The following CNTNAP2 variants were observed in gnomAD, a reference collection of about 807,000 sequenced individuals.
The protein encoded by CNTNAP2 is contactin-associated protein-like 2.
CNTNAP2 carries 98 observed loss-of-function variants against 155.2 expected under a neutral mutation model. The observed-to-expected ratio is 0.63, with a 90% CI of 0.54 to 0.75. CNTNAP2 has a LOEUF of 0.75. Ranked by LOEUF, CNTNAP2 falls within the 30% of genes least tolerant of loss-of-function variation. The probability of loss-of-function intolerance (pLI) is 0.00; values close to 1 mark genes in which losing one functional copy is unlikely to be tolerated. For synonymous variants in CNTNAP2, 651 were observed against 631.2 expected (o/e 1.03, Z -0.47); for missense variants, 1,727 against 1,688.1 (o/e 1.02, Z -0.40).
At chr7:146,773,737 T>G (rs1198319241) in intron 1 of CNTNAP2, among the ~76,000 whole-genome samples, 3 of 152,216 alleles carry the variant, frequency 2.0e-5, no homozygotes, top group Non-Finnish European at 4.4e-5. Context: ...GAGATCTGCC[T>G]TGATAAGTGT....
rs1402650519 is a variant in CNTNAP2, at chr7:147,300,183, T to A, written c.1391T>A (p.Leu464Gln). The A allele has an allele frequency of 3.1e-6, 5 of 1,614,054 alleles. No homozygotes were observed. The highest frequency in any genetic ancestry group is 3.4e-6 in the Non-Finnish European group (4 of 1,179,938). The change falls in exon 9 of 24, where the codon CTA becomes CAA. Residue 464 changes from leucine to glutamine, a missense_variant. Leu to Gln is a moderately radical substitution (Grantham distance 113). Coordinates refer to ENST00000361727, the MANE Select transcript of CNTNAP2 (RefSeq NM_014141.6). ...GGACAGTGGCACGAGGTTCGCTTCC[T>A]AGCCAAGGAAAATTTTGCTATTCTC... is the stretch of plus-strand genomic sequence containing the variant. Reference protein sequence around the residue: ...NDGQWHEVRFLAKENFAILTI... With the variant: ...NDGQWHEVRFQAKENFAILTI...
At chr7:146,561,910 C>A (rs1798285341) in intron 1 of CNTNAP2, among the ~76,000 whole-genome samples, 1 of 152,156 alleles carries the variant, frequency 6.6e-6, no homozygotes, top group South Asian at 2.1e-4. Flanking sequence ...CTCACTTCAG[C>A]CTCCTGAGTA....
chr7:146,192,962 C>T (rs1798727384), intron 1 of CNTNAP2, among the ~76,000 whole-genome samples: 1 of 152,182 alleles, frequency 6.6e-6, no homozygotes, highest in Non-Finnish European at 1.5e-5. Flanking sequence ...AAGGAAGGGG[C>T]TACATGCCGC....
intron 8 of CNTNAP2, among the ~76,000 whole-genome samples, chr7:147,292,141 T>C (rs999306958): frequency 2.6e-5 from 4 of 152,312 alleles, no homozygotes; most frequent in Non-Finnish European, 4.4e-5. Context: ...AAACCTCTGT[T>C]AGCCCCCAGG....
At chr7:146,465,385 C>T (rs1176244397) in intron 1 of CNTNAP2, among the ~76,000 whole-genome samples, 3 of 152,152 alleles carry the variant, frequency 2.0e-5, no homozygotes, top group Non-Finnish European at 4.4e-5. Context: ...ACAGAACAGT[C>T]AGAAACCTAC....
intron 3 of CNTNAP2, among the ~76,000 whole-genome samples, chr7:146,954,241 T>A (rs1298654037): frequency 6.6e-6 from 1 of 151,936 alleles, no homozygotes; most frequent in Non-Finnish European, 1.5e-5. Context: ...ACTGCTACTA[T>A]TTTTTCTAAA....
chr7:146,309,059 T>C (rs1363726007), intron 1 of CNTNAP2, among the ~76,000 whole-genome samples: 2 of 152,170 alleles, frequency 1.3e-5, no homozygotes, highest in African/African-American at 4.8e-5. Context: ...TTACTCTGCT[T>C]AGTTTTAAAT....
chr7:146,125,546 A>G (rs1031506741), intron 1 of CNTNAP2, among the ~76,000 whole-genome samples: 3 of 140,270 alleles, frequency 2.1e-5, no homozygotes, highest in African/African-American at 8.4e-5. Flanking sequence ...ACTGCACTCC[A>G]GCCTGGGTGA....
At chr7:146,379,949 C>T (rs942071352) in intron 1 of CNTNAP2, among the ~76,000 whole-genome samples, 1 of 152,070 alleles carries the variant, frequency 6.6e-6, no homozygotes, top group Non-Finnish European at 1.5e-5. Flanking sequence ...ACTTACAGAG[C>T]CTGAAGTTAT....
chr7:146,125,385 G>A (rs1470337188), intron 1 of CNTNAP2, among the ~76,000 whole-genome samples: 1 of 151,828 alleles, frequency 6.6e-6, no homozygotes, highest in African/African-American at 2.4e-5. Context: ...GAACATCCTG[G>A]CTAACACGGT....
At chr7:147,471,836 T>C (rs1221081063) in intron 10 of CNTNAP2, among the ~76,000 whole-genome samples, 5 of 152,130 alleles carry the variant, frequency 3.3e-5, no homozygotes, top group Admixed American at 3.3e-4. Flanking sequence ...ACTAAAAAGT[T>C]TGATAAATTA....
At chr7:147,791,424 C>T (rs188434939) in intron 13 of CNTNAP2, among the ~76,000 whole-genome samples, 1 of 147,168 alleles carries the variant, frequency 6.8e-6, no homozygotes, top group African/African-American at 2.5e-5. Context: ...TAGTCTTTCT[C>T]TGGCCTTCTG....
Position 146,878,658 on chromosome 7 carries a change from T to C in CNTNAP2, c.402+38754T>C, listed in dbSNP as rs78661671. Among the ~76,000 whole-genome samples, 1,050 of 152,244 alleles carry C rather than the reference T, an allele frequency of 6.9e-3. 9 individuals are homozygous for C. Among genetic ancestry groups the C allele is most frequent in the African/African-American group, 0.024 (1,014 of 41,560 alleles). ...AGGCCCTTCATAAATTGACAGCGCC[T>C]GTTTCTCTGACCCCATTTCTGTGGA... is the stretch of plus-strand genomic sequence containing the variant. On this transcript the variant is annotated intron_variant, in intron 3 of 23. Coordinates refer to ENST00000361727, the MANE Select transcript of CNTNAP2 (RefSeq NM_014141.6).
chr7:146,443,428 A>T (rs1358211227), intron 1 of CNTNAP2, among the ~76,000 whole-genome samples: 2 of 151,664 alleles, frequency 1.3e-5, no homozygotes, highest in African/African-American at 4.9e-5. Flanking sequence ...CATTCATACC[A>T]CTATGCTCAG....
At position 146,132,004 on chromosome 7, in the gene CNTNAP2, T is replaced by C. The variant is rs189273654; in HGVS notation, c.97+15031T>C. ...AAGTTTCCTTAGGACTCCCCAGTTATGTGGAACAGTGAGTCAATTAAACTT... is the reference window on the plus strand; with the variant it reads ...AAGTTTCCTTAGGACTCCCCAGTTACGTGGAACAGTGAGTCAATTAAACTT... On this transcript the variant is annotated intron_variant, in intron 1 of 23. Transcript: ENST00000361727. 1.6e-3 allele frequency among the ~76,000 whole-genome samples: 237 copies of C among 152,300 alleles called. 3 individuals are homozygous for C. Among genetic ancestry groups the C allele is most frequent in the Non-Finnish European group, 3.7e-4 (25 of 68,032 alleles).
chr7:147,595,046 C>T (rs1032694546), intron 12 of CNTNAP2, among the ~76,000 whole-genome samples: 6 of 152,072 alleles, frequency 3.9e-5, no homozygotes, highest in Admixed American at 3.9e-4. Context: ...CCAGACTTCC[C>T]TCCTCCCCTC....
chr7:147,829,251 G>A (rs1798510721), intron 13 of CNTNAP2, among the ~76,000 whole-genome samples: 1 of 152,098 alleles, frequency 6.6e-6, no homozygotes, highest in Non-Finnish European at 1.5e-5. Context: ...GAAAGATCCT[G>A]TTTAGGATAT....
intron 13 of CNTNAP2, among the ~76,000 whole-genome samples, chr7:147,807,889 G>A (rs184801585): frequency 1.9e-4 from 29 of 152,042 alleles, no homozygotes; most frequent in Admixed American, 1.7e-3. Flanking sequence ...TATTTATCAG[G>A]CTTTCATTGA....
chr7:146,465,807 GT>G lies in CNTNAP2; in HGVS notation c.98-308457del, dbSNP rs376564465. On this transcript the variant is annotated intron_variant, in intron 1 of 23. Coordinates refer to ENST00000361727, the MANE Select transcript of CNTNAP2 (RefSeq NM_014141.6). ...GAGAATTTATTTGGTTTATGTTGTT[GT>G]TTTTTTATATGATTCTTTGGCTAAG... Among the ~76,000 whole-genome samples the G allele has an allele frequency of 1.6e-3, 237 of 152,090 alleles. No individual in the cohort carries two copies. In the Middle Eastern group the frequency reaches 0.017, roughly 11 times the overall value.
Sources: allele counts gnomAD v4.1 joint callset (sites outside exome capture counted in the v4.1 genomes callset), GRCh38; gene constraint gnomAD v4.1.1; transcripts MANE v1.5; gene names NCBI Gene and HGNC (gene_info 2026-07-23, HGNC 2026-07-21).